Variants in SGK3 observed in about 807,000 individuals in gnomAD.
The protein encoded by SGK3 is serine/threonine-protein kinase Sgk3.
Under a neutral mutation model 68.5 loss-of-function variants are expected in SGK3, and 47 were observed. That is an observed-to-expected ratio of 0.69 (90% confidence interval 0.54 to 0.87). The LOEUF (loss-of-function observed/expected upper bound fraction) is 0.87. Among genes scored for constraint, SGK3 ranks in the 40% least tolerant of loss-of-function variants. SGK3 has a pLI of 0.00. For synonymous variants in SGK3, 181 were observed against 189.1 expected, an observed-to-expected ratio of 0.96 and a Z score of 0.35; for missense variants, 479 against 575.5, an observed-to-expected ratio of 0.83 and a Z score of 1.72.
intron 4 of SGK3, among the ~76,000 whole-genome samples, chr8:66,808,899 C>G (rs1216964768): frequency 1.3e-5 from 2 of 151,804 alleles, no homozygotes; most frequent in Non-Finnish European, 2.9e-5. Context: ...GACAGAGGCT[C>G]TCCCTTGTTG....
chr8:66,732,767 C>T (rs2130371989), intron 1 of SGK3, among the ~76,000 whole-genome samples: 1 of 152,192 alleles, frequency 6.6e-6, no homozygotes. Context: ...ATTGCTTGAA[C>T]CTGGGAGGCG....
intron 15 of SGK3, among the ~76,000 whole-genome samples, chr8:66,848,209 G>A (rs1335653824): frequency 2.0e-5 from 3 of 151,970 alleles, no homozygotes; most frequent in Non-Finnish European, 2.9e-5. Flanking sequence ...CTTGTCCCTT[G>A]GTCCATTTAT....
intron 1 of SGK3, among the ~76,000 whole-genome samples, chr8:66,717,462 G>A (rs1477701999): frequency 2.0e-5 from 3 of 152,162 alleles, no homozygotes; most frequent in Admixed American, 1.3e-4. Flanking sequence ...CCAGGAGGCA[G>A]AGGTTGCAGT....
chr8:66,796,629 G>A (rs1467194537), intron 2 of SGK3, among the ~76,000 whole-genome samples: 2 of 151,956 alleles, frequency 1.3e-5, no homozygotes, highest in Non-Finnish European at 2.9e-5. Context: ...AGTTTTCATA[G>A]GTAGTTTATG....
intron 1 of SGK3, among the ~76,000 whole-genome samples, chr8:66,738,140 C>G (rs561293172): frequency 9.9e-5 from 15 of 152,106 alleles, no homozygotes; most frequent in Non-Finnish European, 1.8e-4. Context: ...ACCCAGAAAC[C>G]TGAGAGGCAT....
chr8:66,844,266 T>C (rs1213423472), intron 14 of SGK3, among the ~76,000 whole-genome samples: 3 of 152,206 alleles, frequency 2.0e-5, no homozygotes, highest in Admixed American at 6.5e-5. Flanking sequence ...TTTTGCCTTT[T>C]ATTTTGTTTA....
chr8:66,749,585 G>A (rs935487040), intron 1 of SGK3, among the ~76,000 whole-genome samples: 3 of 152,026 alleles, frequency 2.0e-5, no homozygotes, highest in South Asian at 2.1e-4. Flanking sequence ...CATATGAAAC[G>A]TGATTTGCTT....
intron 5 of SGK3, among the ~76,000 whole-genome samples, chr8:66,814,931 A>G (rs929171763): frequency 1.3e-5 from 2 of 152,228 alleles, no homozygotes; most frequent in African/African-American, 4.8e-5. Flanking sequence ...TTGTATGTAT[A>G]AAGTATTCTA....
At chr8:66,858,456 ACT>A (rs1810615023) in intron 16 of SGK3, among the ~76,000 whole-genome samples, 1 of 148,524 alleles carries the variant, frequency 6.7e-6, no homozygotes. Flanking sequence ...ACAGAGCGAG[ACT>A]CTGTCTCAAA....
chr8:66,742,147 A>G (rs906315629), intron 1 of SGK3, among the ~76,000 whole-genome samples: 2 of 152,262 alleles, frequency 1.3e-5, no homozygotes, highest in Non-Finnish European at 2.9e-5. Context: ...ACAAAGAGCT[A>G]TCTGTATTAC....
At position 66,728,407 on chromosome 8, in the gene SGK3, A is replaced by G. The variant is rs562227626; in HGVS notation, c.-122+15574A>G. On this transcript the variant is annotated intron_variant, in intron 1 of 16. Coordinates refer to ENST00000521198, the MANE Select transcript of SGK3 (RefSeq NM_001033578.3). ...AATGGCGAAATCTCAGCTCACTACAATCTCCACCTCCCGGGTTCAAGCATT... is the reference window on the plus strand; with the variant it reads ...AATGGCGAAATCTCAGCTCACTACAGTCTCCACCTCCCGGGTTCAAGCATT... 1.0e-3 allele frequency among the ~76,000 whole-genome samples: 154 copies of G among 151,168 alleles called. No homozygotes were observed. The Middle Eastern group carries it at 0.017, about 17-fold the overall frequency.
At chr8:66,741,888 C>T (rs539938375) in intron 1 of SGK3, among the ~76,000 whole-genome samples, 1 of 152,302 alleles carries the variant, frequency 6.6e-6, no homozygotes, top group African/African-American at 2.4e-5. Flanking sequence ...TCTAATTGTA[C>T]AGGTAAATAA....
At chr8:66,724,597 T>G (rs763898699) in intron 1 of SGK3, among the ~76,000 whole-genome samples, 1 of 151,900 alleles carries the variant, frequency 6.6e-6, no homozygotes, top group South Asian at 2.1e-4. Flanking sequence ...TAAAAACTAA[T>G]AAAAAATAAA....
intron 1 of SGK3, among the ~76,000 whole-genome samples, chr8:66,787,949 G>A (rs985852538): frequency 1.3e-5 from 2 of 152,162 alleles, no homozygotes; most frequent in African/African-American, 4.8e-5. Flanking sequence ...GTACTGCTCA[G>A]AGTTCTGCCC....
intron 6 of SGK3, among the ~76,000 whole-genome samples, chr8:66,827,863 A>G (rs905363793): frequency 6.6e-6 from 1 of 152,080 alleles, no homozygotes; most frequent in Non-Finnish European, 1.5e-5. Flanking sequence ...GTGGCTCACA[A>G]CTGTAATCCC....
At chr8:66,754,033 A>G (rs1336794321) in intron 1 of SGK3, among the ~76,000 whole-genome samples, 1 of 152,122 alleles carries the variant, frequency 6.6e-6, no homozygotes, top group South Asian at 2.1e-4. Context: ...GTCTTTTGGC[A>G]GTGCTGGAGG....
At chr8:66,748,661 C>T (rs1805718374) in intron 1 of SGK3, among the ~76,000 whole-genome samples, 1 of 152,098 alleles carries the variant, frequency 6.6e-6, no homozygotes, top group South Asian at 2.1e-4. Flanking sequence ...ACATTTCCTT[C>T]TAACACCACT....
chr8:66,717,258 G>A (rs940417328), intron 1 of SGK3, among the ~76,000 whole-genome samples: 2 of 149,812 alleles, frequency 1.3e-5, no homozygotes, highest in Admixed American at 6.6e-5. Flanking sequence ...CGCTGGGCTT[G>A]GTGGCTCACG....
At chr8:66,839,520 T>C (rs1454017144) in intron 10 of SGK3, among the ~76,000 whole-genome samples, 2 of 50,494 alleles carry the variant, frequency 4.0e-5, no homozygotes, top group South Asian at 7.0e-4. Context: ...TATATATATA[T>C]ATATATATAT....
Sources: allele counts gnomAD v4.1 joint callset (sites outside exome capture counted in the v4.1 genomes callset), GRCh38; gene constraint gnomAD v4.1.1; transcripts MANE v1.5; gene names NCBI Gene and HGNC (gene_info 2026-07-23, HGNC 2026-07-21).